The following NLRP12 variants were observed in gnomAD, a reference collection of about 807,000 sequenced individuals.
NLRP12 encodes NLR family pyrin domain containing 12.
NLRP12 carries 108 observed loss-of-function variants against 91.2 expected under a neutral mutation model. The observed-to-expected ratio is 1.18, with a 90% CI of 1.01 to 1.39. NLRP12 has a LOEUF of 1.39. Ranked by LOEUF, NLRP12 falls within the 40% of genes most tolerant of loss-of-function variation. NLRP12 has a pLI of 0.00. For missense variants in NLRP12, 1,530 were observed against 1,352.7 expected, an observed-to-expected ratio of 1.13 and a Z score of -2.06; for synonymous variants, 613 against 566.7, an observed-to-expected ratio of 1.08 and a Z score of -1.16.
chr19:53,823,519 CAT>C (rs2092300573), intron 1 of NLRP12, among the ~76,000 whole-genome samples: 1 of 39,268 alleles, frequency 2.5e-5, no homozygotes, highest in Non-Finnish European at 5.5e-5. Context: ...ATATTTAAAA[CAT>C]ATATTTTAAA....
At position 53,810,922 on chromosome 19, in the gene NLRP12, T is replaced by A; in HGVS notation, c.737A>T (p.Tyr246Phe). The change falls in exon 3 of 10, where the codon TAT becomes TTT. Residue 246 changes from tyrosine to phenylalanine, a missense_variant. Tyr to Phe is a conservative substitution (Grantham distance 22). Coordinates refer to ENST00000324134, the MANE Select transcript of NLRP12 (RefSeq NM_144687.4). ...DGKLFQGRFD[Y>F]LFYINCREMN... The stretch of plus-strand genomic sequence containing the variant: ...CTCCCTGCAGTTGATGTAGAAGAGA[T>A]AATCAAATCTGCCTTGGAAGAGCTT... 1 of 1,614,114 alleles carries A rather than the reference T, an allele frequency of 6.2e-7. No homozygotes were observed. Among genetic ancestry groups the A allele is most frequent in the Non-Finnish European group, 8.5e-7 (1 of 1,180,028 alleles).
At chr19:53,806,703 A>G (rs1208524530) in intron 4 of NLRP12, among the ~76,000 whole-genome samples, 1 of 82,924 alleles carries the variant, frequency 1.2e-5, no homozygotes, top group East Asian at 3.1e-4. Flanking sequence ...AAAAAAAAAA[A>G]AGAAATTAGC....
rs181364065 is a variant in NLRP12 at position 53,801,217 on chromosome 19, C to A, written c.2756+10G>T. 6.2e-7 allele frequency: 1 copy of A among 1,613,170 alleles called. No homozygotes were observed. Among genetic ancestry groups the A allele is most frequent in the African/African-American group, 1.3e-5 (1 of 74,898 alleles). ...GGGACTCCTAGCGTGGTGAGCAAAA[C>A]GGGACTCACCGCAGGGTCTGGAGCT... On this transcript the variant is annotated intron_variant, in intron 7 of 9. Coordinates refer to ENST00000324134, the MANE Select transcript of NLRP12 (RefSeq NM_144687.4).
chr19:53,810,009 A>T lies in NLRP12; in HGVS notation c.1650T>A (p.Phe550Leu), dbSNP rs1220070911. The T allele has an allele frequency of 1.2e-6, 2 of 1,613,960 alleles. No homozygotes were observed. Among genetic ancestry groups the T allele is most frequent in the Non-Finnish European group, 1.7e-6 (2 of 1,180,024 alleles). Residue 550 changes from phenylalanine (F) to leucine (L), a missense_variant, in exon 3 of 10, where the codon TTT becomes TTA. Transcript: ENST00000324134. ...TGAGTGCCAGGAAGCTCCTTTCAGA[A>T]AACGCGTACTCGGTCAACAGCCTGG... ...DVTRLLTEYA[F>L]SERSFLALTS... is the part of the protein sequence containing the mutation.
rs771927948 is a variant in NLRP12 at position 53,809,617 on chromosome 19, G to T, written c.2042C>A (p.Ser681Tyr). Residue 681 changes from serine (S) to tyrosine (Y), a missense_variant, in exon 3 of 10, where the codon TCC becomes TAC. By Grantham distance (144) the Ser-to-Tyr change is moderately radical. Transcript: ENST00000324134. ...SADGEDRARC[S>Y]AGAHTLLVQL... ...CACCAACAGCGTGTGCGCTCCTGCG[G>T]AGCACCTCGCGCGGTCTTCCCCGTC... 2 of 1,613,096 alleles carry T rather than the reference G, an allele frequency of 1.2e-6. No individual in the cohort carries two copies. The highest frequency in any genetic ancestry group is 3.3e-5 in the Admixed American group (2 of 59,964).
In NLRP12 at chr19:53,813,262, C is replaced by G. The variant is rs7508348; in HGVS notation, c.370+1646G>C. ...TAAATATTAACTCATAATTTCTCCT[C>G]TCCCTGGCAACTGCTATTCTTTTTT... On this transcript the variant is annotated intron_variant, in intron 2 of 9. Transcript: ENST00000324134. Among the ~76,000 whole-genome samples the G allele has an allele frequency of 8.0e-4, 119 of 149,096 alleles. 2 individuals are homozygous for G. In the South Asian group the frequency reaches 0.023, roughly 29 times the overall value.
Position 53,810,703 on chromosome 19 carries a change from G to A in NLRP12, c.956C>T (p.Pro319Leu), listed in dbSNP as rs35401786. Residue 319 changes from proline (P) to leucine (L), a missense_variant, in exon 3 of 10, where the codon CCC (proline) becomes CTC (leucine). Physicochemically the swap from Pro to Leu is moderately conservative, Grantham distance 98 (BLOSUM62 -3). Coordinates refer to ENST00000324134, the MANE Select transcript of NLRP12 (RefSeq NM_144687.4). ...TAAGCTGTTAAGAAGCAGCTCCGTG[G>A]GCCGTTTCTCCTCCCAGCAGAGGCA... Reference protein sequence around the residue: ...PWCLCWEEKRPTELLLNSLIR... With the variant: ...PWCLCWEEKRLTELLLNSLIR... 3 of 1,613,876 alleles carry A rather than the reference G, an allele frequency of 1.9e-6. No individual in the cohort carries two copies. The highest frequency in any genetic ancestry group is 2.7e-5 in the African/African-American group (2 of 74,888).
chr19:53,804,191 G>A lies in NLRP12; in HGVS notation c.2415-69C>T, dbSNP rs895455565. On this transcript the variant is annotated intron_variant, in intron 5 of 9. Coordinates refer to ENST00000324134, the MANE Select transcript of NLRP12 (RefSeq NM_144687.4). The stretch of plus-strand genomic sequence containing the variant: ...CTATGTCGTGATCACTCATGCTCCA[G>A]CCTGTTATTTTATTATTTAGGAACA... The A allele has an allele frequency of 1.5e-5, 23 of 1,528,022 alleles. No individual in the cohort carries two copies. The African/African-American group carries it at 2.7e-4, about 18-fold the overall frequency. 94.7% of individuals were successfully genotyped at this position (1,528,022 alleles called of 1,614,324 possible). A position where few individuals can be genotyped will look rare whatever the true frequency, so the allele number is the denominator to read the frequency against.
intron 3 of NLRP12, chr19:53,808,512 C>T (rs1220136675): frequency 1.3e-5 from 2 of 152,022 alleles, no homozygotes; most frequent in South Asian, 2.1e-4. Flanking sequence ...AGTTTGAGAC[C>T]AGCCTGGCCA....
At chr19:53,808,030 G>C (rs758512115) in intron 3 of NLRP12, 1 of 356,596 alleles carries the variant, frequency 2.8e-6, no homozygotes, top group Non-Finnish European at 5.5e-6. Context: ...GATTACAGGC[G>C]TGAGCCACCA....
chr19:53,801,448 CTTTTTTTT>C (rs11417138), intron 6 of NLRP12, 51 bp from the exon 7 acceptor site: 29 of 1,277,754 alleles, frequency 2.3e-5, no homozygotes, highest in East Asian at 6.0e-5. Flanking sequence ...CTTTCTTTTT[CTTTTTTTT>C]TTTTTTTTTT....
At chr19:53,797,765 T>A (rs552199145) in intron 8 of NLRP12, among the ~76,000 whole-genome samples, 1 of 146,432 alleles carries the variant, frequency 6.8e-6, no homozygotes, top group African/African-American at 2.5e-5. Flanking sequence ...TGAGACAGAG[T>A]TTCACTCTTG....
At chr19:53,815,964 G>T (rs1300941312) in intron 1 of NLRP12, among the ~76,000 whole-genome samples, 1 of 150,278 alleles carries the variant, frequency 6.7e-6, no homozygotes, top group Non-Finnish European at 1.5e-5. Flanking sequence ...TAGAGATTAG[G>T]TCTCAGTATG....
intron 1 of NLRP12, 61 bp downstream of exon 1, chr19:53,823,825 C>T: frequency 6.3e-7 from 1 of 1,590,178 alleles, no homozygotes; most frequent in Non-Finnish European, 8.6e-7. Context: ...GCTGAGATTA[C>T]AGGTATGAGT....
At position 53,795,951 on chromosome 19, in the gene NLRP12, G is replaced by A; in HGVS notation, c.3006C>T (p.Asp1002=). 1 of 1,614,148 alleles carries A rather than the reference G, an allele frequency of 6.2e-7. No individual in the cohort carries two copies. Among genetic ancestry groups the A allele is most frequent in the Non-Finnish European group, 8.5e-7 (1 of 1,180,022 alleles). The change falls in exon 9 of 10, where the codon GAC becomes GAT. Residue 1002 remains aspartate (D), a synonymous_variant. Transcript: ENST00000324134. ...CTAGGGCGTTGTTGGTCAGGTAAAG[G>A]TCGGTCAAGGTCTGGTTGATCCCCA... is the stretch of plus-strand genomic sequence containing the variant. The part of the protein sequence containing the change: ...FTLGINQTLT[D]LYLTNNALGD...
At chr19:53,811,765 C>A (rs2092080621) in intron 2 of NLRP12, among the ~76,000 whole-genome samples, 2 of 151,746 alleles carry the variant, frequency 1.3e-5, no homozygotes, top group Non-Finnish European at 2.9e-5. Context: ...CGGGGTTTCA[C>A]TATGTTGGCC....
intron 1 of NLRP12, among the ~76,000 whole-genome samples, chr19:53,820,145 C>T (rs374224214): frequency 1.8e-4 from 27 of 152,088 alleles, no homozygotes; most frequent in African/African-American, 5.6e-4. Flanking sequence ...ACACTGGAAT[C>T]GCAGAGAATC....
intron 1 of NLRP12, among the ~76,000 whole-genome samples, chr19:53,816,357 T>G (rs1388151938): frequency 2.7e-5 from 4 of 150,222 alleles, no homozygotes; most frequent in Admixed American, 1.3e-4. Context: ...CACCCCACCC[T>G]CTTGTTACTA....
intron 3 of NLRP12, 59 bp downstream of exon 3, chr19:53,809,528 A>T: frequency 7.6e-7 from 1 of 1,318,734 alleles, no homozygotes; most frequent in Non-Finnish European, 1.0e-6. Flanking sequence ...AAAAAAAAAA[A>T]AAAAAAAAAA....
Sources: allele counts gnomAD v4.1 joint callset (sites outside exome capture counted in the v4.1 genomes callset), GRCh38; gene constraint gnomAD v4.1.1; transcripts MANE v1.5; gene names NCBI Gene and HGNC (gene_info 2026-07-23, HGNC 2026-07-21).